Variants in ONECUT1 observed in about 807,000 individuals in gnomAD.
ONECUT1 encodes hepatocyte nuclear factor 6.
In ONECUT1, 12 loss-of-function variants were observed where a neutral mutation model predicts 25.6. The ratio of observed to expected loss-of-function variants is 0.47; its 90% CI spans 0.30 to 0.76. The LOEUF (loss-of-function observed/expected upper bound fraction) is 0.76, where lower values mean the gene tolerates loss of function less well. Among genes scored for constraint, ONECUT1 ranks in the 30% least tolerant of loss-of-function variants. ONECUT1 has a pLI of 0.07. For synonymous variants in ONECUT1, 285 were observed against 270.2 expected, an observed-to-expected ratio of 1.05 and a Z score of -0.54; for missense variants, 620 against 651.2, an observed-to-expected ratio of 0.95 and a Z score of 0.52.
chr15:52,773,837 A>T (rs188935041), intron 1 of ONECUT1, among the ~76,000 whole-genome samples: 24 of 152,322 alleles, frequency 1.6e-4, no homozygotes, highest in Non-Finnish European at 2.9e-4. Context: ...CACTGGAAAA[A>T]AAAGGAATGC....
At chr15:52,768,098 T>C (rs2083745677) in intron 1 of ONECUT1, among the ~76,000 whole-genome samples, 1 of 151,370 alleles carries the variant, frequency 6.6e-6, no homozygotes, top group African/African-American at 2.4e-5. Flanking sequence ...TACAATTAGA[T>C]AGAATGCATA....
intron 1 of ONECUT1, chr15:52,780,768 A>G: frequency 7.0e-7 from 1 of 1,425,508 alleles, no homozygotes; most frequent in South Asian, 1.5e-5. Context: ...ACAGGAAAGA[A>G]AGCAAAAAGC....
At chr15:52,768,297 A>T (rs943303812) in intron 1 of ONECUT1, among the ~76,000 whole-genome samples, 2 of 152,212 alleles carry the variant, frequency 1.3e-5, no homozygotes, top group African/African-American at 4.8e-5. Context: ...AAAATATCAC[A>T]TGTACCCCAC....
chr15:52,757,585 A>G lies in ONECUT1; in HGVS notation c.1368T>C (p.Ser456=), dbSNP rs1006882992. The stretch of plus-strand genomic sequence containing the variant: ...CTTTGGTACAAGTGCTTGATGAAGA[A>G]GATGAGTTGCCTGAATTGGAGCTGC... ...DEGSSNSGNS[S]SSSSTCTKA The change falls in exon 2 of 2, where the codon TCT becomes TCC. Residue 456 remains serine, a synonymous_variant. Transcript: ENST00000305901. 1.2e-6 allele frequency: 2 copies of G among 1,613,906 alleles called. No individual in the cohort carries two copies. Among genetic ancestry groups the G allele is most frequent in the African/African-American group, 2.7e-5 (2 of 74,920 alleles).
At position 52,790,017 on chromosome 15, in the gene ONECUT1, G is replaced by GTCTC. The variant is rs112104300; in HGVS notation, c.-137_-134dup. On this transcript the variant is annotated 5_prime_UTR_variant, in exon 1 of 2. Transcript: ENST00000305901. ...TTCCTTCCTCTCACTGTGGGGCTCT[G>GTCTC]TCTCTCTCTCTCTCTCTCTCCGTGT... 742 of 1,202,694 alleles carry GTCTC rather than the reference G, an allele frequency of 6.2e-4. No homozygotes were observed. Among genetic ancestry groups the GTCTC allele is most frequent in the Admixed American group, 1.5e-3 (39 of 25,678 alleles). The allele number at this position is 1,202,694 out of a possible 1,614,324, so 74.5% of individuals were successfully genotyped here.
chr15:52,788,474 T>C lies in ONECUT1; in HGVS notation c.1105+306A>G. The stretch of plus-strand genomic sequence containing the variant: ...CAGAGTGTCTCACCAGGTGCGGGGA[T>C]TTCTCTCCGCCTCAGGCCGTACGAG... On this transcript the variant is annotated intron_variant, in intron 1 of 1. Coordinates refer to ENST00000305901, the MANE Select transcript of ONECUT1 (RefSeq NM_004498.4). The surrounding 1 kb of genome is among the most constrained non-coding windows in gnomAD (Gnocchi z 4.3). 2.8e-6 allele frequency: 1 copy of C among 362,500 alleles called. No homozygotes were observed. The highest frequency in any genetic ancestry group is 5.0e-6 in the Non-Finnish European group (1 of 198,324). The allele number at this position is 362,500 out of a possible 1,614,324, so 22.5% of individuals were successfully genotyped here.
At position 52,757,577 on chromosome 15, in the gene ONECUT1, G is replaced by C; in HGVS notation, c.1376C>G (p.Ser459Ter). 1 of 1,613,704 alleles carries C rather than the reference G, an allele frequency of 6.2e-7. No homozygotes were observed. The highest frequency in any genetic ancestry group is 8.5e-7 in the Non-Finnish European group (1 of 1,179,710). Residue 459 changes from serine (S) to a stop codon, truncating the protein, a stop_gained, in exon 2 of 2, where the codon TCA becomes TGA. Coordinates refer to ENST00000305901, the MANE Select transcript of ONECUT1 (RefSeq NM_004498.4). LOFTEE classifies it high-confidence loss of function. ...SSNSGNSSSS[S>*]STCTKA ...CCTTCATGCTTTGGTACAAGTGCTT[G>C]ATGAAGAAGATGAGTTGCCTGAATT...
chr15:52,788,651 G>GT lies in ONECUT1; in HGVS notation c.1105+128dup. On this transcript the variant is annotated intron_variant, in intron 1 of 1. Transcript: ENST00000305901. The surrounding 1 kb of genome is among the most constrained non-coding windows in gnomAD (Gnocchi z 4.3). ...GTGCTGGCCCTTCCAGGCACAGGGAGTCCCCCTTCTAGGGGTAGGGGCGGG... is the reference window on the plus strand; with the variant it reads ...GTGCTGGCCCTTCCAGGCACAGGGAGTTCCCCCTTCTAGGGGTAGGGGCGGG... 1 of 982,484 alleles carries GT rather than the reference G, an allele frequency of 1.0e-6. No individual in the cohort carries two copies. Among genetic ancestry groups the GT allele is most frequent in the Non-Finnish European group, 1.5e-6 (1 of 675,560 alleles). The allele number at this position is 982,484 out of a possible 1,614,324, so 60.9% of individuals were successfully genotyped here.
At chr15:52,785,936 G>T (rs1262209208) in intron 1 of ONECUT1, 1 of 152,252 alleles carries the variant, frequency 6.6e-6, no homozygotes, top group African/African-American at 2.4e-5. Context: ...GCAACTGGAG[G>T]ACAGAGGGGC....
At chr15:52,759,528 A>G (rs1296548385) in intron 1 of ONECUT1, among the ~76,000 whole-genome samples, 1 of 152,206 alleles carries the variant, frequency 6.6e-6, no homozygotes, top group Non-Finnish European at 1.5e-5. Flanking sequence ...ATATTCCCTT[A>G]TATTATTTAT....
chr15:52,777,006 G>A (rs2083805268), intron 1 of ONECUT1, among the ~76,000 whole-genome samples: 1 of 152,214 alleles, frequency 6.6e-6, no homozygotes, highest in Non-Finnish European at 1.5e-5. Flanking sequence ...AGGTGAGGTC[G>A]ATGTTGCTGT....
At chr15:52,780,915 A>G (rs2083836883) in intron 1 of ONECUT1, 1 of 1,282,562 alleles carries the variant, frequency 7.8e-7, no homozygotes, top group Non-Finnish European at 9.9e-7. Context: ...GAAGATGAGA[A>G]ACACATGGTG....
rs1555416122 is a variant in ONECUT1 at position 52,777,737 on chromosome 15, CA to C, written c.1105+11042del. 3.9e-3 allele frequency among the ~76,000 whole-genome samples: 406 copies of C among 103,464 alleles called. 21 individuals are homozygous for C. The highest frequency in any genetic ancestry group is 0.017 in the African/African-American group (377 of 22,592). The allele number at this position is 103,464 out of a possible 152,430, so 67.9% of individuals were successfully genotyped here. A position where few individuals can be genotyped will look rare whatever the true frequency, so the allele number is the denominator to read the frequency against. On this transcript the variant is annotated intron_variant, in intron 1 of 1. Transcript: ENST00000305901. ...ACACACACACACACACACACACACA[CA>C]AAAAAACATGTAAAGTTATTTGTTC... is the stretch of plus-strand genomic sequence containing the variant.
Position 52,788,113 on chromosome 15 carries a change from T to G in ONECUT1, c.1105+667A>C, listed in dbSNP as rs1414551837. 6.6e-6 allele frequency: 1 copy of G among 152,460 alleles called. No individual in the cohort carries two copies. The highest frequency in any genetic ancestry group is 2.4e-5 in the African/African-American group (1 of 41,466). The allele number at this position is 152,460 out of a possible 1,614,324, so 9.4% of individuals were successfully genotyped here. A position where few individuals can be genotyped will look rare whatever the true frequency, so the allele number is the denominator to read the frequency against. Reference sequence around the variant, plus strand: ...TGCTTTGCAGCTCTCACTGGGACCTTGGGACGGTCAGCCTCCCTCTCCTTT... The same window carrying G: ...TGCTTTGCAGCTCTCACTGGGACCTGGGGACGGTCAGCCTCCCTCTCCTTT... On this transcript the variant is annotated intron_variant, in intron 1 of 1. Transcript: ENST00000305901. The surrounding 1 kb of genome is among the most constrained non-coding windows in gnomAD (Gnocchi z 4.3).
chr15:52,789,167 C>A lies in ONECUT1; in HGVS notation c.718G>T (p.Gly240Cys). ...GGAAGGCCGTTGATGGGCACCATGC[C>A]GGCCGAGGTGGGCGTGAGGTGCTGC... ...GEQHLTPTSA[G>C]MVPINGLPPH... The change falls in exon 1 of 2, where the codon GGC (glycine) becomes TGC (cysteine). Residue 240 changes from glycine (G) to cysteine (C), a missense_variant. By Grantham distance (159) the Gly-to-Cys change is radical. Coordinates refer to ENST00000305901, the MANE Select transcript of ONECUT1 (RefSeq NM_004498.4). The surrounding 1 kb of genome is among the most constrained non-coding windows in gnomAD (Gnocchi z 4.1). The A allele has an allele frequency of 6.3e-7, 1 of 1,589,268 alleles. No homozygotes were observed. The highest frequency in any genetic ancestry group is 8.5e-7 in the Non-Finnish European group (1 of 1,171,918).
chr15:52,774,408 C>G (rs960557399), intron 1 of ONECUT1, among the ~76,000 whole-genome samples: 2 of 152,108 alleles, frequency 1.3e-5, no homozygotes, highest in African/African-American at 4.8e-5. Context: ...TCAAGTGATT[C>G]TCCTGCCTCA....
chr15:52,773,436 T>C (rs978080077), intron 1 of ONECUT1, among the ~76,000 whole-genome samples: 4 of 152,246 alleles, frequency 2.6e-5, no homozygotes, highest in African/African-American at 9.7e-5. Context: ...TGTTTATGCG[T>C]ACATGGATAT....
chr15:52,774,849 C>T (rs779560094), intron 1 of ONECUT1, among the ~76,000 whole-genome samples: 7 of 152,140 alleles, frequency 4.6e-5, no homozygotes, highest in Non-Finnish European at 7.4e-5. Context: ...GTATTTATTA[C>T]TTTAAAAGAG....
chr15:52,777,697 AACACACACACACACACAC>A (rs369734028), intron 1 of ONECUT1, among the ~76,000 whole-genome samples: 4 of 122,144 alleles, frequency 3.3e-5, no homozygotes, highest in Non-Finnish European at 6.6e-5. Flanking sequence ...CTTCCTGGAA[AACACACACACACACACAC>A]ACACACACAC....
Sources: gnomAD v4.1 joint callset for allele counts (sites outside exome capture counted in the v4.1 genomes callset) on GRCh38, gnomAD v4.1.1 for gene constraint, Gnocchi (gnomAD v3.1) non-coding constraint, MANE v1.5 for transcripts, NCBI Gene and HGNC (gene_info 2026-07-23, HGNC 2026-07-21) for gene names.